The following POC1B variants were observed in gnomAD, a reference collection of about 807,000 sequenced individuals.
POC1B encodes the protein POC1 centriolar protein B.
In POC1B, 44 loss-of-function variants were observed where a neutral mutation model predicts 60.6. That is an observed-to-expected ratio of 0.73 (90% CI 0.57 to 0.93). The LOEUF (loss-of-function observed/expected upper bound fraction) is 0.93, where lower values mean the gene tolerates loss of function less well. Among genes scored for constraint, POC1B ranks in the 40% least tolerant of loss-of-function variants. The pLI is 0.00. For missense variants in POC1B, 555 were observed against 572.3 expected (o/e 0.97, Z 0.31); for synonymous variants, 180 against 198.9 (o/e 0.90, Z 0.80).
intron 10 of POC1B, among the ~76,000 whole-genome samples, chr12:89,458,562 G>A (rs1448625146): frequency 6.6e-6 from 1 of 152,110 alleles, no homozygotes; most frequent in Non-Finnish European, 1.5e-5. Flanking sequence ...TCTCTGCTAT[G>A]GGATTAACAC....
chr12:89,466,820 T>C lies in POC1B; in HGVS notation c.982A>G (p.Ile328Val). The stretch of plus-strand genomic sequence containing the variant: ...TGGGGATGTGGTGTTCTTGGGTAGA[T>C]ATCAAGAAGATGTGGTGGTGAATCA... ...HFDSPPHLLD[I>V]YPRTPHPHEE... Residue 328 changes from isoleucine (I) to valine (V), a missense_variant, in exon 9 of 12, where the codon ATC becomes GTC. Coordinates refer to ENST00000313546, the MANE Select transcript of POC1B (RefSeq NM_172240.3). 1 of 1,613,004 alleles carries C rather than the reference T, an allele frequency of 6.2e-7. No individual in the cohort carries two copies. The highest frequency in any genetic ancestry group is 8.5e-7 in the Non-Finnish European group (1 of 1,179,214).
At chr12:89,463,187 T>G (rs1216255162) in intron 9 of POC1B, among the ~76,000 whole-genome samples, 1 of 152,192 alleles carries the variant, frequency 6.6e-6, no homozygotes, top group Non-Finnish European at 1.5e-5. Flanking sequence ...CATATGCAAT[T>G]TATATGTTAA....
At chr12:89,511,611 G>A (rs528525128) in intron 2 of POC1B, among the ~76,000 whole-genome samples, 1 of 152,110 alleles carries the variant, frequency 6.6e-6, no homozygotes, top group East Asian at 1.9e-4. Context: ...TGCATTTCCA[G>A]GTTCATGCTT....
At chr12:89,510,151 T>C (rs1870110179) in intron 2 of POC1B, among the ~76,000 whole-genome samples, 1 of 152,064 alleles carries the variant, frequency 6.6e-6, no homozygotes, top group Admixed American at 6.5e-5. Context: ...GCCCAGCCTG[T>C]TTCGTTTTTT....
intron 3 of POC1B, among the ~76,000 whole-genome samples, chr12:89,493,476 T>C (rs1239963352): frequency 6.6e-6 from 1 of 152,172 alleles, no homozygotes; most frequent in East Asian, 1.9e-4. Context: ...GGTAACTTTA[T>C]CATAAATTTC....
rs1166923139 is a variant in POC1B, at chr12:89,502,009, T to C, written c.101-4667A>G. On this transcript the variant is annotated intron_variant, in intron 2 of 11. Coordinates refer to ENST00000313546, the MANE Select transcript of POC1B (RefSeq NM_172240.3). ...GAGGAAAAATCTGGATTGTTCTAGA[T>C]CTACAGGAAGCTCAAAGAATGAAGA... 7 of 976,224 alleles carry C rather than the reference T, an allele frequency of 7.2e-6. No individual in the cohort carries two copies. In the South Asian group the frequency reaches 7.7e-5, roughly 11 times the overall value. 60.5% of individuals were successfully genotyped at this position (976,224 alleles called of 1,614,324 possible). A position where few individuals can be genotyped will look rare whatever the true frequency, so the allele number is the denominator to read the frequency against.
the POC1B span, among the ~76,000 whole-genome samples, chr12:89,407,713 C>T: frequency 6.6e-6 from 1 of 152,186 alleles, no homozygotes; most frequent in Non-Finnish European, 1.5e-5. Flanking sequence ...AGAAGAACTG[C>T]TTATAAGACA....
rs761568220 is a variant in POC1B, at chr12:89,497,328, C to G, written c.115G>C (p.Asp39His). 6.2e-7 allele frequency: 1 copy of G among 1,611,928 alleles called. No individual in the cohort carries two copies. The highest frequency in any genetic ancestry group is 8.5e-7 in the Non-Finnish European group (1 of 1,179,658). The change falls in exon 3 of 12, where the codon GAT (aspartate) becomes CAT (histidine). Residue 39 changes from aspartate (D) to histidine (H), a missense_variant. Transcript: ENST00000313546. ...AAATTCCATAGCATGAGAAAGGTAT[C>G]CCAAGAAGCAGTAGCTATCAAGAAA... Reference protein sequence around the residue: ...NGKQLATASWDTFLMLWNFKP... With the variant: ...NGKQLATASWHTFLMLWNFKP...
chr12:89,512,967 A>G (rs1380655003), intron 2 of POC1B, among the ~76,000 whole-genome samples: 1 of 152,224 alleles, frequency 6.6e-6, no homozygotes, highest in Non-Finnish European at 1.5e-5. Context: ...TTTATGAATT[A>G]TCTTCATTAC....
intron 2 of POC1B, chr12:89,521,147 A>AGGCTGGAGT (rs957015679): frequency 7.1e-6 from 1 of 140,254 alleles, no homozygotes; most frequent in Non-Finnish European, 1.5e-5. Context: ...TCTGTCGCCC[A>AGGCTGGAGT]GGCTGGAGTG....
At chr12:89,505,578 G>T (rs1869853662) in intron 2 of POC1B, among the ~76,000 whole-genome samples, 1 of 152,206 alleles carries the variant, frequency 6.6e-6, no homozygotes. Flanking sequence ...GAGTATAGTG[G>T]CTGGAAGGGA....
At chr12:89,520,968 T>C (rs1317653017) in intron 2 of POC1B, 1 of 152,218 alleles carries the variant, frequency 6.6e-6, no homozygotes, top group Non-Finnish European at 1.5e-5. Flanking sequence ...AGTCAAAATA[T>C]TACTTTCAGA....
intron 9 of POC1B, among the ~76,000 whole-genome samples, chr12:89,460,338 T>G (rs1460979215): frequency 6.6e-6 from 1 of 152,120 alleles, no homozygotes; most frequent in Non-Finnish European, 1.5e-5. Context: ...AAACTTATGT[T>G]AACATTAAAA....
chr12:89,482,905 G>T (rs1868421801), intron 4 of POC1B, among the ~76,000 whole-genome samples: 1 of 151,838 alleles, frequency 6.6e-6, no homozygotes, highest in South Asian at 2.1e-4. Context: ...AATCATGGGG[G>T]TGGTTACCCT....
intron 10 of POC1B, among the ~76,000 whole-genome samples, chr12:89,450,370 G>A (rs761419438): frequency 1.2e-4 from 18 of 152,114 alleles, no homozygotes; most frequent in Non-Finnish European, 1.9e-4. Context: ...ACCATGCCCA[G>A]CTAACTTTTA....
chr12:89,519,960 C>T (rs1338392568), intron 2 of POC1B: 1 of 152,168 alleles, frequency 6.6e-6, no homozygotes, highest in Non-Finnish European at 1.5e-5. Flanking sequence ...AAAAGGTCAA[C>T]TCTTAATTGT....
intron 4 of POC1B, among the ~76,000 whole-genome samples, chr12:89,485,944 G>A (rs1248269854): frequency 6.6e-6 from 1 of 151,936 alleles, no homozygotes; most frequent in Non-Finnish European, 1.5e-5. Flanking sequence ...TCCTGACACC[G>A]ACCTTACTAA....
At chr12:89,422,725 A>C (rs1022882337) in intron 11 of POC1B, among the ~76,000 whole-genome samples, 4 of 152,196 alleles carry the variant, frequency 2.6e-5, no homozygotes, top group African/African-American at 9.7e-5. Context: ...GGGATAACTA[A>C]TAAGTAAGAG....
At chr12:89,470,608 A>G in intron 6 of POC1B, 114 bp from the exon 7 acceptor site, 1 of 800,870 alleles carries the variant, frequency 1.2e-6, no homozygotes, top group Non-Finnish European at 1.8e-6. Context: ...CCACAACAAC[A>G]AAACTCTATA....
Sources: gnomAD v4.1 joint callset for allele counts (sites outside exome capture counted in the v4.1 genomes callset) on GRCh38, gnomAD v4.1.1 for gene constraint, MANE v1.5 for transcripts, NCBI Gene and HGNC (gene_info 2026-07-23, HGNC 2026-07-21) for gene names.